The following PGAP1 variants were observed in gnomAD, a reference collection of about 807,000 sequenced individuals.
The protein encoded by PGAP1 is GPI inositol-deacylase.
In PGAP1, 76 loss-of-function variants were observed where a neutral mutation model predicts 127.0. The ratio of observed to expected loss-of-function variants is 0.60; its 90% CI spans 0.50 to 0.72. The LOEUF (loss-of-function observed/expected upper bound fraction) is 0.72. Among genes scored for constraint, PGAP1 ranks in the 30% least tolerant of loss-of-function variants. The pLI is 0.00. For synonymous variants in PGAP1, 362 were observed against 366.5 expected, an observed-to-expected ratio of 0.99 and a Z score of 0.14; for missense variants, 982 against 1,071.3, an observed-to-expected ratio of 0.92 and a Z score of 1.16.
chr2:196,885,732 T>A (rs1044774700), intron 11 of PGAP1, 102 bp downstream of exon 11: 3 of 735,532 alleles, frequency 4.1e-6, no homozygotes, highest in East Asian at 6.3e-5. Flanking sequence ...TAATTTCATA[T>A]AGCATCAAAA....
chr2:196,869,536 G>A (rs974703647), intron 19 of PGAP1, among the ~76,000 whole-genome samples: 4 of 152,228 alleles, frequency 2.6e-5, no homozygotes, highest in Middle Eastern at 3.4e-3. Context: ...GGGTTTCACC[G>A]TGTTAGCCAG....
At chr2:196,865,584 T>C (rs990038517) in intron 19 of PGAP1, among the ~76,000 whole-genome samples, 2 of 152,156 alleles carry the variant, frequency 1.3e-5, no homozygotes, top group African/African-American at 4.8e-5. Context: ...TAGGTAGTTA[T>C]TAGGATTAGA....
At chr2:196,897,909 T>C (rs529213241) in intron 6 of PGAP1, among the ~76,000 whole-genome samples, 1 of 152,270 alleles carries the variant, frequency 6.6e-6, no homozygotes, top group African/African-American at 2.4e-5. Context: ...TATTTATAGA[T>C]GAAGTTCTAA....
intron 5 of PGAP1, among the ~76,000 whole-genome samples, chr2:196,900,791 G>A (rs1195788395): frequency 1.3e-5 from 2 of 152,200 alleles, no homozygotes; most frequent in Non-Finnish European, 2.9e-5. Flanking sequence ...GCTGGGCATG[G>A]TGGCGGACGC....
At chr2:196,861,858 A>T (rs1359295103) in intron 20 of PGAP1, among the ~76,000 whole-genome samples, 1 of 151,412 alleles carries the variant, frequency 6.6e-6, no homozygotes, top group Admixed American at 6.6e-5. Context: ...CACTCCCCTA[A>T]TCAATACCCT....
chr2:196,888,061 T>C (rs432689), intron 10 of PGAP1, among the ~76,000 whole-genome samples: 16,874 of 152,238 alleles, frequency 0.11, 979 homozygotes, highest in Middle Eastern at 0.13. Flanking sequence ...CATCAATGGA[T>C]TGAATAGATA....
chr2:196,858,071 G>A (rs1236524289), intron 20 of PGAP1, among the ~76,000 whole-genome samples: 1 of 152,050 alleles, frequency 6.6e-6, no homozygotes, highest in Non-Finnish European at 1.5e-5. Flanking sequence ...GGACTGTGTG[G>A]ATCTTCTTTG....
Position 196,872,974 on chromosome 2 carries a change from T to C in PGAP1, c.1605A>G (p.Ser535=). The change falls in exon 17 of 27, where the codon TCA becomes TCG. Residue 535 remains serine, a synonymous_variant. Transcript: ENST00000354764. ...CAAATACTTACTGTGCAATGGTTAG[T>C]GAATCTTCATAAGACCAAGGAATAT... is the stretch of plus-strand genomic sequence containing the variant. The part of the protein sequence containing the change: ...RLHIPWSYED[S]LTIAQAPSST... The C allele has an allele frequency of 9.3e-7, 1 of 1,071,688 alleles. No individual in the cohort carries two copies. The highest frequency in any genetic ancestry group is 1.4e-6 in the Non-Finnish European group (1 of 724,776). 66.4% of individuals were successfully genotyped at this position (1,071,688 alleles called of 1,614,324 possible). A position where few individuals can be genotyped will look rare whatever the true frequency, so the allele number is the denominator to read the frequency against.
At chr2:196,860,394 C>T (rs1022744843) in intron 20 of PGAP1, among the ~76,000 whole-genome samples, 10 of 151,980 alleles carry the variant, frequency 6.6e-5, no homozygotes, top group Admixed American at 4.6e-4. Context: ...ATTAGCTGGG[C>T]GTGGTGCCAC....
chr2:196,857,074 G>T (rs193045537), intron 20 of PGAP1, among the ~76,000 whole-genome samples: 1 of 152,062 alleles, frequency 6.6e-6, no homozygotes, highest in African/African-American at 2.4e-5. Context: ...AGAAATAAAG[G>T]GCATCGAAAT....
intron 17 of PGAP1, chr2:196,872,756 G>A: frequency 3.5e-6 from 2 of 568,116 alleles, no homozygotes; most frequent in South Asian, 5.4e-5. Flanking sequence ...GTGGAAGGGG[G>A]TTCAGGTTCC....
rs1700575863 is a variant in PGAP1, at chr2:196,847,061, C to T, written c.2092G>A (p.Gly698Ser). 1.2e-6 allele frequency: 2 copies of T among 1,613,620 alleles called. No homozygotes were observed. Among genetic ancestry groups the T allele is most frequent in the Admixed American group, 3.3e-5 (2 of 59,988 alleles). ...CTCACAGATGCAGAAGACAGTAGGC[C>T]ACTCCAGTAGGCAGTACACGTTCCA... ...LFGTCTAYWS[G>S]LLSSASVRLL... The change falls in exon 22 of 27, where the codon GGC (glycine) becomes AGC (serine). Residue 698 changes from glycine (G) to serine (S), a missense_variant. Gly to Ser is a moderately conservative substitution (Grantham distance 56, BLOSUM62 0). Coordinates refer to ENST00000354764, the MANE Select transcript of PGAP1 (RefSeq NM_024989.4).
At chr2:196,899,993 G>A (rs966105238) in intron 5 of PGAP1, among the ~76,000 whole-genome samples, 4 of 152,152 alleles carry the variant, frequency 2.6e-5, no homozygotes, top group Non-Finnish European at 5.9e-5. Context: ...AGCTGAGATT[G>A]TGCCATTGCA....
rs376512426 is a variant in PGAP1, at chr2:196,872,439, A to G, written c.1728+2T>C. The G allele has an allele frequency of 7.6e-6, 12 of 1,582,270 alleles. No homozygotes were observed. Among genetic ancestry groups the G allele is most frequent in the Non-Finnish European group, 1.0e-5 (12 of 1,151,866 alleles). On this transcript the variant is annotated splice_donor_variant, in intron 18 of 26. Transcript: ENST00000354764. LOFTEE classifies it high-confidence loss of function. ...TAAAAATTAATCAAACATACAACTT[A>G]CCTCGTACCGACAGTCTGATGACGT...
At chr2:196,885,588 A>G (rs1165366300) in intron 11 of PGAP1, 113 bp from the exon 12 acceptor site, 1 of 778,796 alleles carries the variant, frequency 1.3e-6, no homozygotes, top group Non-Finnish European at 2.1e-6. Context: ...AGAGATGTCT[A>G]TTGAGCCTAA....
intron 23 of PGAP1, 110 bp downstream of exon 23, chr2:196,845,772 G>T: frequency 1.3e-6 from 1 of 773,150 alleles, no homozygotes; most frequent in Non-Finnish European, 1.9e-6. Flanking sequence ...ATGTAACAGA[G>T]GGTTACTACA....
rs986683507 is a variant in PGAP1, at chr2:196,837,838, T to C, written c.*3396A>G. 1 of 152,168 alleles carries C rather than the reference T, an allele frequency of 6.6e-6. No individual in the cohort carries two copies. Among genetic ancestry groups the C allele is most frequent in the Non-Finnish European group, 1.5e-5 (1 of 68,024 alleles). 9.4% of individuals were successfully genotyped at this position (152,168 alleles called of 1,614,324 possible). A position where few individuals can be genotyped will look rare whatever the true frequency, so the allele number is the denominator to read the frequency against. On this transcript the variant is annotated 3_prime_UTR_variant, in exon 27 of 27. Transcript: ENST00000354764. ...TCACTCAAGAAGGGGTATTCCATTA[T>C]ATAGATCTGAATTTGTCTAGCCAAA... is the stretch of plus-strand genomic sequence containing the variant.
At chr2:196,886,857 A>T (rs1398374393) in intron 10 of PGAP1, among the ~76,000 whole-genome samples, 2 of 151,824 alleles carry the variant, frequency 1.3e-5, no homozygotes, top group Non-Finnish European at 2.9e-5. Context: ...GACACCACAC[A>T]CAGCTAATTT....
Position 196,842,701 on chromosome 2 carries a change from G to A in PGAP1, c.2630+20C>T, listed in dbSNP as rs1700447508. Reference sequence around the variant, plus strand: ...AGGCCAAGAACAGATATAAGAAAAAGAAAGATTAAACTACTGTACCTTGAT... The same window carrying A: ...AGGCCAAGAACAGATATAAGAAAAAAAAAGATTAAACTACTGTACCTTGAT... On this transcript the variant is annotated intron_variant, in intron 26 of 26. Coordinates refer to ENST00000354764, the MANE Select transcript of PGAP1 (RefSeq NM_024989.4). The A allele has an allele frequency of 7.6e-7, 1 of 1,313,002 alleles. No homozygotes were observed. Among genetic ancestry groups the A allele is most frequent in the Admixed American group, 2.2e-5 (1 of 45,224 alleles). The allele number at this position is 1,313,002 out of a possible 1,614,324, so 81.3% of individuals were successfully genotyped here. A position where few individuals can be genotyped will look rare whatever the true frequency, so the allele number is the denominator to read the frequency against.
Sources: allele counts gnomAD v4.1 joint callset (sites outside exome capture counted in the v4.1 genomes callset), GRCh38; gene constraint gnomAD v4.1.1; transcripts MANE v1.5; gene names NCBI Gene and HGNC (gene_info 2026-07-23, HGNC 2026-07-21).